Variants in OSGEPL1 observed in about 807,000 individuals in gnomAD.
OSGEPL1 encodes the protein tRNA N6-adenosine threonylcarbamoyltransferase, mitochondrial.
In OSGEPL1, 26 loss-of-function variants were observed where a neutral mutation model predicts 37.2. The ratio of observed to expected loss-of-function variants is 0.70; its 90% confidence interval spans 0.51 to 0.97. The LOEUF is 0.97. OSGEPL1 is among the 50% of genes least tolerant of loss of function. OSGEPL1 has a pLI of 0.00. For missense variants in OSGEPL1, 404 were observed against 487.0 expected (o/e 0.83, Z 1.60); for synonymous variants, 140 against 159.9 (o/e 0.88, Z 0.94).
chr2:189,758,168 A>C (rs955840162), intron 2 of OSGEPL1, among the ~76,000 whole-genome samples: 6 of 152,178 alleles, frequency 3.9e-5, no homozygotes, highest in Non-Finnish European at 7.3e-5. Flanking sequence ...GGATCACTTG[A>C]GGTCGGGAGT....
chr2:189,749,726 A>G (rs751486980), intron 8 of OSGEPL1, among the ~76,000 whole-genome samples: 1 of 152,044 alleles, frequency 6.6e-6, no homozygotes, highest in Non-Finnish European at 1.5e-5. Context: ...TAGACATCCT[A>G]TTTACTCCAG....
At position 189,754,004 on chromosome 2, in the gene OSGEPL1, G is replaced by C; in HGVS notation, c.875C>G (p.Thr292Arg). 6.2e-7 allele frequency: 1 copy of C among 1,613,706 alleles called. No homozygotes were observed. Among genetic ancestry groups the C allele is most frequent in the Non-Finnish European group, 8.5e-7 (1 of 1,179,808 alleles). The part of the protein sequence containing the change: ...AADIAATVQH[T>R]MACHLVKRTH... ...TCTTTTCACAAGATGACATGCCATT[G>C]TGTGCTGTACTGTGGCAGCAATGTC... is the stretch of plus-strand genomic sequence containing the variant. The change falls in exon 5 of 9, where the codon ACA becomes AGA. Residue 292 changes from threonine to arginine, a missense_variant. Thr to Arg is a moderately conservative substitution (Grantham distance 71). Transcript: ENST00000264151.
At chr2:189,752,181 TG>T (rs1306885282) in intron 7 of OSGEPL1, among the ~76,000 whole-genome samples, 4 of 151,956 alleles carry the variant, frequency 2.6e-5, no homozygotes, top group African/African-American at 9.7e-5. Context: ...TGCTATTCAC[TG>T]GAACTTTGAT....
chr2:189,749,984 G>A (rs1213149524), intron 8 of OSGEPL1, among the ~76,000 whole-genome samples: 3 of 152,086 alleles, frequency 2.0e-5, no homozygotes, highest in South Asian at 2.1e-4. Flanking sequence ...TTAGCCAGAC[G>A]TGGTGGTGGG....
chr2:189,754,396 G>A (rs904829521), intron 3 of OSGEPL1, 51 bp from the exon 4 acceptor site: 72 of 1,457,112 alleles, frequency 4.9e-5, no homozygotes, highest in South Asian at 1.7e-4. Context: ...ACTGTGAAAC[G>A]AAAAGATGCA....
upstream of OSGEPL1, chr2:189,762,799 G>A (rs2047324082): frequency 2.0e-6 from 2 of 985,384 alleles, no homozygotes; most frequent in Non-Finnish European, 1.2e-6. Flanking sequence ...TGATGTCATC[G>A]GAACTGTGCA....
Position 189,761,516 on chromosome 2 carries a change from A to C in OSGEPL1, c.125T>G (p.Ile42Ser). ...TGCTGTATCATCACAACTAGTTTCAATTCCCAATACTATTTTATGAAGAAA... is the reference window on the plus strand; with the variant it reads ...TGCTGTATCATCACAACTAGTTTCACTTCCCAATACTATTTTATGAAGAAA... ...TLFLHKIVLG[I>S]ETSCDDTAAA... Residue 42 changes from isoleucine to serine, a missense_variant, in exon 2 of 9, where the codon ATT becomes AGT. By Grantham distance (142) the Ile-to-Ser change is moderately radical. Transcript: ENST00000264151. 1 of 1,613,330 alleles carries C rather than the reference A, an allele frequency of 6.2e-7. No individual in the cohort carries two copies. Among genetic ancestry groups the C allele is most frequent in the Non-Finnish European group, 8.5e-7 (1 of 1,179,596 alleles).
intron 8 of OSGEPL1, among the ~76,000 whole-genome samples, chr2:189,749,963 A>G (rs2044874733): frequency 6.6e-6 from 1 of 152,128 alleles, no homozygotes; most frequent in Non-Finnish European, 1.5e-5. Flanking sequence ...CTCTACTAAA[A>G]AAACAAAAAA....
chr2:189,755,703 T>A, intron 2 of OSGEPL1, 143 bp from the exon 3 acceptor site: 2 of 846,854 alleles, frequency 2.4e-6, no homozygotes, highest in Non-Finnish European at 3.5e-6. Flanking sequence ...CCTTCTAACA[T>A]AGCACACTAT....
At chr2:189,756,859 T>C (rs979040347) in intron 2 of OSGEPL1, among the ~76,000 whole-genome samples, 2 of 152,210 alleles carry the variant, frequency 1.3e-5, no homozygotes, top group Non-Finnish European at 1.5e-5. Context: ...AAGCACATGC[T>C]ACCAGTTATT....
At chr2:189,758,938 G>C (rs1314346411) in intron 2 of OSGEPL1, among the ~76,000 whole-genome samples, 1 of 152,208 alleles carries the variant, frequency 6.6e-6, no homozygotes, top group Non-Finnish European at 1.5e-5. Context: ...ATGTTCAAAA[G>C]TTCAGTGCAC....
At chr2:189,761,221 T>C (rs1237793282) in intron 2 of OSGEPL1, 199 bp downstream of exon 2, 1 of 405,062 alleles carries the variant, frequency 2.5e-6, no homozygotes, top group African/African-American at 2.1e-5. Context: ...GGCAACAGGA[T>C]TAGTTAAGGT....
intron 2 of OSGEPL1, chr2:189,761,126 A>C (rs1253093057): frequency 2.6e-5 from 6 of 230,446 alleles, no homozygotes; most frequent in Admixed American, 5.6e-5. Context: ...TGAGACCATG[A>C]AACATAGAAG....
At chr2:189,758,275 G>C (rs1210282087) in intron 2 of OSGEPL1, among the ~76,000 whole-genome samples, 3 of 151,884 alleles carry the variant, frequency 2.0e-5, no homozygotes, top group African/African-American at 7.3e-5. Flanking sequence ...CAGCTATTCT[G>C]AAGGCTGAGG....
At chr2:189,763,071 A>G (rs1202618780), upstream of OSGEPL1, 4 of 985,214 alleles carry the variant, frequency 4.1e-6, no homozygotes, top group Non-Finnish European at 4.8e-6. Flanking sequence ...CTTGGCTGGA[A>G]TTTGGTTGCT....
In OSGEPL1 at chr2:189,761,639, ATACT is replaced by A; in HGVS notation, c.-3_1del. Reference sequence around the variant, plus strand: ...TCCTGCAGTCTTAGTCAAGATTAGCATACTTACTCTATAGATAATTCCTGAAAAA... The same window carrying A: ...TCCTGCAGTCTTAGTCAAGATTAGCATACTCTATAGATAATTCCTGAAAAA... On this transcript the variant is annotated start_lost and start_retained_variant and 5_prime_UTR_variant, in exon 2 of 9. Coordinates refer to ENST00000264151, the MANE Select transcript of OSGEPL1 (RefSeq NM_022353.3). 1 of 1,582,572 alleles carries A rather than the reference ATACT, an allele frequency of 6.3e-7. No individual in the cohort carries two copies. The highest frequency in any genetic ancestry group is 8.6e-7 in the Non-Finnish European group (1 of 1,168,648).
intron 7 of OSGEPL1, 23 bp from the exon 8 acceptor site, chr2:189,750,679 G>GT (rs894267748): frequency 2.0e-6 from 3 of 1,538,092 alleles, no homozygotes; most frequent in Non-Finnish European, 2.6e-6. Context: ...CAGACAAATC[G>GT]TATTATTTAT....
intron 1 of OSGEPL1, 84 bp from the exon 2 acceptor site, chr2:189,761,744 C>T: frequency 3.6e-6 from 5 of 1,371,016 alleles, no homozygotes; most frequent in Non-Finnish European, 4.7e-6. Context: ...TACAGAATTA[C>T]AGGAAAGTTT....
chr2:189,758,313 G>T (rs948636770), intron 2 of OSGEPL1, among the ~76,000 whole-genome samples: 1 of 152,044 alleles, frequency 6.6e-6, no homozygotes, highest in Non-Finnish European at 1.5e-5. Flanking sequence ...CCCGGGAGGC[G>T]GAGGTTGTGA....
Sources: gnomAD v4.1 joint callset for allele counts (sites outside exome capture counted in the v4.1 genomes callset) on GRCh38, gnomAD v4.1.1 for gene constraint, MANE v1.5 for transcripts, NCBI Gene and HGNC (gene_info 2026-07-23, HGNC 2026-07-21) for gene names.